The following IKZF3 variants were observed in gnomAD, a reference collection of about 807,000 sequenced individuals.
IKZF3 encodes IKAROS family zinc finger 3.
IKZF3 carries 10 observed loss-of-function variants against 49.0 expected under a neutral mutation model. The observed-to-expected ratio is 0.20, with a 90% CI of 0.13 to 0.35. The LOEUF (loss-of-function observed/expected upper bound fraction) is 0.35, where lower values mean the gene tolerates loss of function less well. Ranked by LOEUF, IKZF3 falls within the 10% of genes least tolerant of loss-of-function variation. The pLI is 1.00. For synonymous variants in IKZF3, 209 were observed against 228.2 expected (o/e 0.92, Z 0.76); for missense variants, 498 against 664.8 (o/e 0.75, Z 2.76).
chr17:39,768,007 GC>G (rs2060336649), intron 7 of IKZF3, among the ~76,000 whole-genome samples: 1 of 152,020 alleles, frequency 6.6e-6, no homozygotes, highest in South Asian at 2.1e-4. Context: ...AGCTGAGATG[GC>G]ACCACTGCAC....
intron 6 of IKZF3, among the ~76,000 whole-genome samples, chr17:39,780,616 C>A (rs2060717388): frequency 6.6e-6 from 1 of 152,106 alleles, no homozygotes; most frequent in Admixed American, 6.5e-5. Context: ...CTTCAGCCTC[C>A]CAAAGTGTTG....
At chr17:39,780,090 G>A (rs1461178066) in intron 6 of IKZF3, among the ~76,000 whole-genome samples, 1 of 152,046 alleles carries the variant, frequency 6.6e-6, no homozygotes, top group Non-Finnish European at 1.5e-5. Context: ...TGTAGTCCTA[G>A]CTACTTGGGA....
rs9944420 is a variant in IKZF3, at chr17:39,852,779, G to A, written c.7+11341C>T. Among the ~76,000 whole-genome samples the A allele has an allele frequency of 7.5e-3, 1,147 of 152,226 alleles. 18 individuals carry two copies. The highest frequency in any genetic ancestry group is 0.026 in the African/African-American group (1,099 of 41,528). ...GAGGTCAGGAGTTCGAGACCAGCCT[G>A]ACCAACAAGGTGAAACCCTGTTCTC... On this transcript the variant is annotated intron_variant, in intron 1 of 7. Transcript: ENST00000346872.
intron 3 of IKZF3, among the ~76,000 whole-genome samples, chr17:39,827,293 G>A (rs781608639): frequency 1.8e-4 from 26 of 141,062 alleles, no homozygotes; most frequent in East Asian, 1.5e-3. Flanking sequence ...CACCACGGCC[G>A]GCCTGTTGTT....
intron 3 of IKZF3, among the ~76,000 whole-genome samples, chr17:39,811,653 A>C (rs972868265): frequency 5.9e-5 from 9 of 152,228 alleles, no homozygotes; most frequent in African/African-American, 2.2e-4. Flanking sequence ...CCCCAATGCC[A>C]AAATGTACTC....
At chr17:39,843,785 C>A (rs528241176) in intron 1 of IKZF3, among the ~76,000 whole-genome samples, 2 of 145,600 alleles carry the variant, frequency 1.4e-5, no homozygotes, top group Non-Finnish European at 3.0e-5. Context: ...CCAGCCTGGG[C>A]GACAGAGTGA....
At chr17:39,772,588 A>G (rs1395293851) in intron 7 of IKZF3, among the ~76,000 whole-genome samples, 2 of 152,182 alleles carry the variant, frequency 1.3e-5, no homozygotes, top group Non-Finnish European at 2.9e-5. Flanking sequence ...CCAGAGAACA[A>G]GAAGAAACAG....
At chr17:39,791,714 C>T in intron 4 of IKZF3, 131 bp from the exon 5 acceptor site, 2 of 881,590 alleles carry the variant, frequency 2.3e-6, no homozygotes, top group Non-Finnish European at 1.7e-6. Context: ...TTGGGAGCTG[C>T]ATTTCAAGGC....
chr17:39,828,955 T>G (rs903245830), intron 3 of IKZF3, among the ~76,000 whole-genome samples: 11 of 151,946 alleles, frequency 7.2e-5, no homozygotes, highest in African/African-American at 2.4e-4. Context: ...GAGCCGAGAT[T>G]GCGCCACTGC....
intron 3 of IKZF3, among the ~76,000 whole-genome samples, chr17:39,814,635 C>T (rs2061637291): frequency 6.6e-6 from 1 of 152,108 alleles, no homozygotes; most frequent in African/African-American, 2.4e-5. Context: ...GAGATGCCCA[C>T]AGAGATGAAG....
At chr17:39,819,210 TA>T in intron 3 of IKZF3, among the ~76,000 whole-genome samples, 1 of 152,310 alleles carries the variant, frequency 6.6e-6, no homozygotes, top group South Asian at 2.1e-4. Flanking sequence ...TACCACAAAC[TA>T]TCTGAAAATA....
intron 3 of IKZF3, among the ~76,000 whole-genome samples, chr17:39,797,119 C>T (rs2061186058): frequency 6.6e-6 from 1 of 151,288 alleles, no homozygotes; most frequent in South Asian, 2.1e-4. Flanking sequence ...GAGCTGAGAT[C>T]CCACCACTGC....
In IKZF3 at chr17:39,791,674, T is replaced by C. The variant is rs1335259082; in HGVS notation, c.425-91A>G. The C allele has an allele frequency of 2.3e-5, 30 of 1,302,640 alleles. 2 individuals are homozygous for C. In the South Asian group the frequency reaches 3.3e-4, roughly 14 times the overall value. The allele number at this position is 1,302,640 out of a possible 1,614,324, so 80.7% of individuals were successfully genotyped here. ...GATGCCTAGGGGAAAAGCTCATCTT[T>C]TAGACAATTACTGTTCACATTGGGA... On this transcript the variant is annotated intron_variant, in intron 4 of 7. Transcript: ENST00000346872.
rs1012551189 is a variant in IKZF3, at chr17:39,863,217, T to G, written c.7+903A>C. The stretch of plus-strand genomic sequence containing the variant: ...GCCCTAATTAAAAAAATTAAAAGCA[T>G]AAAGTTTTTGATATTTTAACAACTT... On this transcript the variant is annotated intron_variant, in intron 1 of 7. Coordinates refer to ENST00000346872, the MANE Select transcript of IKZF3 (RefSeq NM_012481.5). Among the ~76,000 whole-genome samples, 7 of 152,160 alleles carry G rather than the reference T, an allele frequency of 4.6e-5. 1 individual carries two copies. Among genetic ancestry groups the G allele is most frequent in the Admixed American group, 3.9e-4 (6 of 15,270 alleles).
At chr17:39,817,653 T>A (rs2061707353) in intron 3 of IKZF3, among the ~76,000 whole-genome samples, 2 of 152,316 alleles carry the variant, frequency 1.3e-5, no homozygotes, top group African/African-American at 4.8e-5. Context: ...AGTGGTACCT[T>A]ATTATGCAGT....
intron 3 of IKZF3, among the ~76,000 whole-genome samples, chr17:39,813,721 C>CT (rs913522104): frequency 7.2e-5 from 11 of 152,300 alleles, no homozygotes; most frequent in African/African-American, 2.6e-4. Flanking sequence ...CTGTAAAGCT[C>CT]TGCCCATGGT....
intron 3 of IKZF3, among the ~76,000 whole-genome samples, chr17:39,811,019 C>G (rs1450225294): frequency 6.6e-6 from 1 of 151,998 alleles, no homozygotes; most frequent in Non-Finnish European, 1.5e-5. Flanking sequence ...GCGAGAAGAT[C>G]ACTTGAGTCT....
chr17:39,790,858 C>T (rs1000697459), intron 5 of IKZF3, among the ~76,000 whole-genome samples: 2 of 149,690 alleles, frequency 1.3e-5, no homozygotes, highest in African/African-American at 4.9e-5. Context: ...AAGTTTGAGA[C>T]CAGCCTGAGC....
At chr17:39,794,896 T>C (rs2061124675) in intron 3 of IKZF3, among the ~76,000 whole-genome samples, 1 of 152,216 alleles carries the variant, frequency 6.6e-6, no homozygotes, top group Non-Finnish European at 1.5e-5. Context: ...AAAGCTTGAG[T>C]GCTCTTCAGT....
Sources: gnomAD v4.1 joint callset for allele counts (sites outside exome capture counted in the v4.1 genomes callset) on GRCh38, gnomAD v4.1.1 for gene constraint, MANE v1.5 for transcripts, NCBI Gene and HGNC (gene_info 2026-07-23, HGNC 2026-07-21) for gene names.